The following EPB41L4A variants were observed in gnomAD, a reference collection of about 807,000 sequenced individuals.
EPB41L4A encodes the protein band 4.1-like protein 4A.
EPB41L4A carries 100 observed loss-of-function variants against 108.6 expected under a neutral mutation model. The observed-to-expected ratio is 0.92, with a 90% CI of 0.78 to 1.09. The LOEUF is 1.09. Ranked by LOEUF, EPB41L4A falls within the 50% of genes least tolerant of loss-of-function variation. The pLI is 0.00. For synonymous variants in EPB41L4A, 319 were observed against 289.0 expected, an observed-to-expected ratio of 1.10 and a Z score of -1.05; for missense variants, 1,030 against 842.7, an observed-to-expected ratio of 1.22 and a Z score of -2.75.
intron 12 of EPB41L4A, among the ~76,000 whole-genome samples, chr5:112,152,637 T>A (rs1258540302): frequency 6.6e-6 from 1 of 152,184 alleles, no homozygotes; most frequent in East Asian, 1.9e-4. Flanking sequence ...AAAATAAATT[T>A]GTGTTGTGAT....
intron 2 of EPB41L4A, among the ~76,000 whole-genome samples, chr5:112,296,715 T>A (rs184985310): frequency 6.6e-5 from 10 of 152,264 alleles, no homozygotes; most frequent in Non-Finnish European, 1.3e-4. Context: ...ACCCAAGCAG[T>A]ATACACTGAA....
rs1442589396 is a variant in EPB41L4A at position 112,416,499 on chromosome 5, A to C, written c.99+2442T>G. Among the ~76,000 whole-genome samples, 10 of 152,192 alleles carry C rather than the reference A, an allele frequency of 6.6e-5. 1 individual carries two copies. The highest frequency in any genetic ancestry group is 6.5e-4 in the Admixed American group (10 of 15,274). Reference sequence around the variant, plus strand: ...AATAAATGTTAGGAAATGCTTTTGAAAAATAGAGATTTTTCTAGTTAATTT... The same window carrying C: ...AATAAATGTTAGGAAATGCTTTTGACAAATAGAGATTTTTCTAGTTAATTT... On this transcript the variant is annotated intron_variant, in intron 1 of 22. Transcript: ENST00000261486.
At chr5:112,155,858 T>C (rs569252396) in intron 12 of EPB41L4A, among the ~76,000 whole-genome samples, 3 of 152,250 alleles carry the variant, frequency 2.0e-5, no homozygotes, top group South Asian at 4.1e-4. Context: ...CCATTTAAAA[T>C]AAAGAGAAAT....
downstream of EPB41L4A, among the ~76,000 whole-genome samples, chr5:112,142,258 T>C (rs1759097983): frequency 6.6e-6 from 1 of 152,242 alleles, no homozygotes; most frequent in Non-Finnish European, 1.5e-5. Flanking sequence ...CTCTCTTTCT[T>C]CTGTCTGTCG....
chr5:112,378,864 C>A (rs566999523), intron 1 of EPB41L4A, among the ~76,000 whole-genome samples: 2 of 152,180 alleles, frequency 1.3e-5, no homozygotes, highest in Non-Finnish European at 2.9e-5. Context: ...ATAGTGGAAC[C>A]TTTCTAAATG....
chr5:112,414,646 G>C (rs1325484312), intron 1 of EPB41L4A, among the ~76,000 whole-genome samples: 2 of 152,188 alleles, frequency 1.3e-5, no homozygotes, highest in Admixed American at 1.3e-4. Flanking sequence ...GAAGCACCTA[G>C]GGAGGGACAG....
intron 1 of EPB41L4A, among the ~76,000 whole-genome samples, chr5:112,409,263 GA>G (rs1762277152): frequency 6.6e-6 from 1 of 152,184 alleles, no homozygotes; most frequent in Admixed American, 6.5e-5. Flanking sequence ...CCTTTTATAT[GA>G]AATGTCCCGA....
At chr5:112,418,371 G>A (rs2112854575) in intron 1 of EPB41L4A, among the ~76,000 whole-genome samples, 1 of 152,244 alleles carries the variant, frequency 6.6e-6, no homozygotes, top group South Asian at 2.1e-4. Context: ...TTACTGGGTC[G>A]CTTTGAGAGA....
At chr5:112,227,117 G>C (rs1323038698) in intron 12 of EPB41L4A, among the ~76,000 whole-genome samples, 2 of 152,076 alleles carry the variant, frequency 1.3e-5, no homozygotes, top group African/African-American at 4.8e-5. Flanking sequence ...AGGCAGGCAG[G>C]ACAGAAGAAA....
intron 1 of EPB41L4A, among the ~76,000 whole-genome samples, chr5:112,412,654 T>G (rs1762477537): frequency 6.6e-6 from 1 of 152,126 alleles, no homozygotes; most frequent in South Asian, 2.1e-4. Context: ...GAAACAAAAC[T>G]TATGGTGCAG....
At position 112,231,566 on chromosome 5, in the gene EPB41L4A, A is replaced by C. The variant is rs557263970; in HGVS notation, c.1087+3068T>G. On this transcript the variant is annotated intron_variant, in intron 12 of 22. Coordinates refer to ENST00000261486, the MANE Select transcript of EPB41L4A (RefSeq NM_022140.5). ...TTTGGGAGGCCGAGGCGGGTGGATC[A>C]TGAGGTCAGGAGATCGAGACCATCC... 3.3e-5 allele frequency among the ~76,000 whole-genome samples: 5 copies of C among 150,494 alleles called. No individual in the cohort carries two copies. In the East Asian group the frequency reaches 9.9e-4, roughly 30 times the overall value.
chr5:112,370,175 C>T (rs1759397677), intron 1 of EPB41L4A, among the ~76,000 whole-genome samples: 1 of 151,824 alleles, frequency 6.6e-6, no homozygotes, highest in African/African-American at 2.4e-5. Context: ...CAGGTACACA[C>T]CACCAAGCCT....
chr5:112,399,606 C>A (rs1001550156), intron 1 of EPB41L4A, among the ~76,000 whole-genome samples: 6 of 152,230 alleles, frequency 3.9e-5, no homozygotes, highest in Admixed American at 3.9e-4. Flanking sequence ...AACACTTTCT[C>A]AGACTCCAGA....
intron 22 of EPB41L4A, among the ~76,000 whole-genome samples, chr5:112,168,418 C>G (rs528036642): frequency 6.6e-6 from 1 of 152,246 alleles, no homozygotes; most frequent in African/African-American, 2.4e-5. Context: ...CTCAAAATAC[C>G]TGTTGTTACT....
intron 17 of EPB41L4A, among the ~76,000 whole-genome samples, chr5:112,188,155 T>A (rs1268063548): frequency 6.6e-6 from 1 of 152,204 alleles, no homozygotes; most frequent in Non-Finnish European, 1.5e-5. Context: ...CCCAACTGAT[T>A]GTGAACTTGT....
rs781402563 is a variant in EPB41L4A at position 112,307,432 on chromosome 5, T to C, written c.158A>G (p.Glu53Gly). The change falls in exon 2 of 23, where the codon GAG (glutamate) becomes GGG (glycine). Residue 53 changes from glutamate (E) to glycine (G), a missense_variant. Transcript: ENST00000261486. Reference protein sequence around the residue: ...DHVFHHVNLVEIDYFGLRYCD... With the variant: ...DHVFHHVNLVGIDYFGLRYCD... ...GTAACGTAGCCCAAAATAATCTATCTCCACAAGGTTTACGTGATGGAATAC... is the reference window on the plus strand; with the variant it reads ...GTAACGTAGCCCAAAATAATCTATCCCCACAAGGTTTACGTGATGGAATAC... 4 of 1,613,328 alleles carry C rather than the reference T, an allele frequency of 2.5e-6. No individual in the cohort carries two copies. Among genetic ancestry groups the C allele is most frequent in the Non-Finnish European group, 3.4e-6 (4 of 1,179,434 alleles).
At chr5:112,305,504 T>C (rs1296323374) in intron 2 of EPB41L4A, among the ~76,000 whole-genome samples, 1 of 152,196 alleles carries the variant, frequency 6.6e-6, no homozygotes, top group East Asian at 1.9e-4. Context: ...AACCATACCC[T>C]GTACTATTTT....
chr5:112,366,854 C>T (rs413652), intron 1 of EPB41L4A, among the ~76,000 whole-genome samples: 9,545 of 152,192 alleles, frequency 0.063, 322 homozygotes, highest in African/African-American at 0.075. Flanking sequence ...TCCTACTGTA[C>T]TATGAACTCC....
At chr5:112,177,526 A>G (rs1760931016) in intron 18 of EPB41L4A, among the ~76,000 whole-genome samples, 1 of 152,204 alleles carries the variant, frequency 6.6e-6, no homozygotes, top group African/African-American at 2.4e-5. Context: ...TAAGCCATGG[A>G]CATATATCAG....
Sources: gnomAD v4.1 joint callset for allele counts (sites outside exome capture counted in the v4.1 genomes callset) on GRCh38, gnomAD v4.1.1 for gene constraint, MANE v1.5 for transcripts, NCBI Gene and HGNC (gene_info 2026-07-23, HGNC 2026-07-21) for gene names.